The following ATXN2 variants were observed in gnomAD, a reference collection of about 807,000 sequenced individuals.
ATXN2 encodes ataxin-2.
Under a neutral mutation model 138.6 loss-of-function variants are expected in ATXN2, and 37 were observed. The ratio of observed to expected loss-of-function variants is 0.27; its 90% CI spans 0.21 to 0.35. ATXN2 has a LOEUF of 0.35. ATXN2 is among the 10% of genes least tolerant of loss of function. The pLI is 1.00. For missense variants in ATXN2, 1,216 were observed against 1,480.3 expected (o/e 0.82, Z 2.93); for synonymous variants, 549 against 543.7 (o/e 1.01, Z -0.13).
intron 1 of ATXN2, among the ~76,000 whole-genome samples, chr12:111,578,123 G>A (rs1883783148): frequency 6.6e-6 from 1 of 152,154 alleles, no homozygotes; most frequent in Non-Finnish European, 1.5e-5. Context: ...CTTGAACCCA[G>A]AAGGCAGAGA....
At chr12:111,592,284 G>A (rs1217840815) in intron 1 of ATXN2, among the ~76,000 whole-genome samples, 2 of 150,974 alleles carry the variant, frequency 1.3e-5, no homozygotes, top group Non-Finnish European at 2.9e-5. Context: ...CAGCTATTCG[G>A]GAGGGCTAAG....
chr12:111,452,984 G>A, intron 24 of ATXN2, 144 bp from the exon 25 acceptor site: 2 of 310,104 alleles, frequency 6.4e-6, no homozygotes, highest in South Asian at 6.8e-5. Context: ...CCTCCCATCT[G>A]CACCAAAGTG....
chr12:111,551,685 T>C (rs1290330048), intron 5 of ATXN2, among the ~76,000 whole-genome samples: 1 of 152,218 alleles, frequency 6.6e-6, no homozygotes, highest in Non-Finnish European at 1.5e-5. Context: ...AAATTTTCAG[T>C]TGAATATAAT....
At chr12:111,587,841 T>C (rs1269675448) in intron 1 of ATXN2, among the ~76,000 whole-genome samples, 1 of 152,120 alleles carries the variant, frequency 6.6e-6, no homozygotes, top group East Asian at 1.9e-4. Context: ...GACTTCATTA[T>C]AGAATGAAAT....
rs961593457 is a variant in ATXN2 at position 111,598,441 on chromosome 12, G to A, written c.251+343C>T. The A allele has an allele frequency of 1.0e-6, 1 of 985,608 alleles. No individual in the cohort carries two copies. The highest frequency in any genetic ancestry group is 1.2e-6 in the Non-Finnish European group (1 of 830,132). 61.1% of individuals were successfully genotyped at this position (985,608 alleles called of 1,614,324 possible). A position where few individuals can be genotyped will look rare whatever the true frequency, so the allele number is the denominator to read the frequency against. The stretch of plus-strand genomic sequence containing the variant: ...CCCGAGCATCCCCACGCTGCGGGCG[G>A]AGGATCGTGCGGAAGGGGGAGCCGG... On this transcript the variant is annotated intron_variant, in intron 1 of 24. Transcript: ENST00000673436. This position sits in a 1 kb window ranked among gnomAD's most constrained non-coding sequence, Gnocchi z 4.5.
chr12:111,504,885 G>A (rs908629035), intron 14 of ATXN2, among the ~76,000 whole-genome samples: 4 of 151,878 alleles, frequency 2.6e-5, no homozygotes, highest in African/African-American at 4.8e-5. Context: ...ATAGGAAAGG[G>A]GTCCCGATCC....
At chr12:111,454,989 TA>T (rs1220068646) in intron 23 of ATXN2, 2 of 701,484 alleles carry the variant, frequency 2.9e-6, no homozygotes, top group Non-Finnish European at 2.6e-6. Context: ...CCACAGAACC[TA>T]AACTTTGCAG....
At chr12:111,599,652 C>A (rs1885176699), upstream of ATXN2, 7 of 1,079,418 alleles carry the variant, frequency 6.5e-6, no homozygotes, top group Non-Finnish European at 6.8e-6. Context: ...GAGCGGGCGG[C>A]GCGCTGGGTT....
intron 6 of ATXN2, among the ~76,000 whole-genome samples, chr12:111,521,229 T>C (rs1037976105): frequency 6.6e-5 from 10 of 152,230 alleles, no homozygotes; most frequent in Admixed American, 5.9e-4. Context: ...CTTCATAAAA[T>C]AGCCTTCAGA....
intron 18 of ATXN2, among the ~76,000 whole-genome samples, chr12:111,478,596 A>G (rs1343882823): frequency 6.6e-6 from 1 of 152,298 alleles, no homozygotes; most frequent in East Asian, 1.9e-4. Context: ...AAGATAACAC[A>G]ATACCAAGTG....
intron 1 of ATXN2, among the ~76,000 whole-genome samples, chr12:111,563,590 A>G (rs11065953): frequency 0.069 from 10,490 of 152,214 alleles, 1,301 homozygotes; most frequent in East Asian, 0.57. Flanking sequence ...TACATATACA[A>G]TTACCAATAC....
chr12:111,553,604 A>AAAAAATTTTTTTTTTTTT (rs1882237738), intron 3 of ATXN2, among the ~76,000 whole-genome samples: 1 of 85,004 alleles, frequency 1.2e-5, no homozygotes, highest in Admixed American at 1.5e-4. Flanking sequence ...AAAAAAAAAA[A>AAAAAATTTTTTTTTTTTT]TTTTTTTTTT....
chr12:111,584,197 C>T (rs1884185135), intron 1 of ATXN2, among the ~76,000 whole-genome samples: 1 of 151,476 alleles, frequency 6.6e-6, no homozygotes, highest in African/African-American at 2.4e-5. Context: ...GCCTGAACAA[C>T]ATGGCAAAAC....
chr12:111,578,860 G>C (rs1209762112), intron 1 of ATXN2, among the ~76,000 whole-genome samples: 1 of 152,036 alleles, frequency 6.6e-6, no homozygotes, highest in African/African-American at 2.4e-5. Context: ...GGGCAACATA[G>C]TGAGACCTCT....
In ATXN2 at chr12:111,488,644, T is replaced by C. The variant is rs1365150175; in HGVS notation, c.2072A>G (p.Asn691Ser). 8 of 1,614,076 alleles carry C rather than the reference T, an allele frequency of 5.0e-6. No individual in the cohort carries two copies. The Admixed American group carries it at 5.0e-5, about 10-fold the overall frequency. Residue 691 changes from asparagine (N) to serine (S), a missense_variant, in exon 15 of 25, where the codon AAC becomes AGC. Physicochemically the swap from Asn to Ser is conservative, Grantham distance 46 (BLOSUM62 1). Transcript: ENST00000673436. ...KDSFIENSSS[N>S]CTSGSSKPNS... ...CGGCTTGCTGCTGCCACTGGTACAG[T>C]TGCTGCTGCTATTTTCAATGAAAGA... is the stretch of plus-strand genomic sequence containing the variant.
At chr12:111,533,170 G>A (rs542854904) in intron 5 of ATXN2, among the ~76,000 whole-genome samples, 1 of 152,360 alleles carries the variant, frequency 6.6e-6, no homozygotes, top group Non-Finnish European at 1.5e-5. Flanking sequence ...TGAAAGGGAT[G>A]TATGGAACAG....
intron 5 of ATXN2, among the ~76,000 whole-genome samples, chr12:111,528,462 T>C (rs1880626703): frequency 6.6e-6 from 1 of 152,226 alleles, no homozygotes; most frequent in Non-Finnish European, 1.5e-5. Flanking sequence ...GGACCCAGGC[T>C]TTATTCCACT....
intron 14 of ATXN2, among the ~76,000 whole-genome samples, chr12:111,506,231 C>A (rs921164717): frequency 6.6e-6 from 1 of 152,072 alleles, no homozygotes; most frequent in Non-Finnish European, 1.5e-5. Context: ...AAATGTGGAA[C>A]GACTGCTAAA....
At chr12:111,587,598 G>A (rs1592933256) in intron 1 of ATXN2, among the ~76,000 whole-genome samples, 1 of 151,982 alleles carries the variant, frequency 6.6e-6, no homozygotes, top group African/African-American at 2.4e-5. Context: ...TGAGGCTGCA[G>A]TGAGCCATGA....
Sources: gnomAD v4.1 joint callset for allele counts (sites outside exome capture counted in the v4.1 genomes callset) on GRCh38, gnomAD v4.1.1 for gene constraint, Gnocchi (gnomAD v3.1) non-coding constraint, MANE v1.5 for transcripts, NCBI Gene and HGNC (gene_info 2026-07-23, HGNC 2026-07-21) for gene names.